Variants in OR5P3 observed in about 807,000 individuals in gnomAD.
OR5P3 encodes olfactory receptor 5P3.
For synonymous variants in OR5P3, 172 were observed against 141.8 expected (o/e 1.21, Z -1.51); for missense variants, 415 against 375.6 (o/e 1.10, Z -0.87).
Position 7,826,009 on chromosome 11 carries a change from A to C in OR5P3, c.-21-16T>G. ...ATGGTGCCAACTGAAAGAAAAACAA[A>C]TGAATATTATAATGGGATTAAATGC... On this transcript the variant is annotated splice_polypyrimidine_tract_variant and intron_variant, in intron 1 of 1. Transcript: ENST00000641167. The C allele has an allele frequency of 9.1e-7, 1 of 1,102,176 alleles. No individual in the cohort carries two copies. The allele number at this position is 1,102,176 out of a possible 1,614,324, so 68.3% of individuals were successfully genotyped here. A position where few individuals can be genotyped will look rare whatever the true frequency, so the allele number is the denominator to read the frequency against.
chr11:7,827,142 G>C lies in OR5P3; in HGVS notation c.-21-1149C>G, dbSNP rs113014826. On this transcript the variant is annotated intron_variant, in intron 1 of 1. Coordinates refer to ENST00000641167, the MANE Select transcript of OR5P3 (RefSeq NM_153445.2). ...GCTAAAATGAAGAACCATATTCTTG[G>C]ACTTCTAATTCATTTACTATCTTTA... 2.5e-3 allele frequency among the ~76,000 whole-genome samples: 373 copies of C among 152,188 alleles called. 1 individual carries two copies. The highest frequency in any genetic ancestry group is 8.6e-3 in the African/African-American group (356 of 41,548).
Position 7,825,731 on chromosome 11 carries a change from A to T in OR5P3, c.242T>A (p.Met81Lys). ...IGYSSSVTPVMLMSFLRKETS... is the reference protein window; with the variant it reads ...IGYSSSVTPVKLMSFLRKETS... ...TTCTTTCCTTAGGAAGCTCATGAGC[A>T]TGACAGGTGTGACTGATGAGGAGTA... is the stretch of plus-strand genomic sequence containing the variant. The change falls in exon 2 of 2, where the codon ATG becomes AAG. Residue 81 changes from methionine (M) to lysine (K), a missense_variant. By Grantham distance (95) the Met-to-Lys change is moderately conservative. Transcript: ENST00000641167. The T allele has an allele frequency of 6.2e-7, 1 of 1,613,308 alleles. No homozygotes were observed. The highest frequency in any genetic ancestry group is 8.5e-7 in the Non-Finnish European group (1 of 1,180,032).
At chr11:7,828,100 G>A (rs1325873089) in intron 1 of OR5P3, among the ~76,000 whole-genome samples, 1 of 152,158 alleles carries the variant, frequency 6.6e-6, no homozygotes, top group African/African-American at 2.4e-5. Context: ...CAAGGGAAAT[G>A]GAAGATCCTA....
rs754867194 is a variant in OR5P3 at position 7,825,242 on chromosome 11, T to G, written c.731A>C (p.His244Pro). The G allele has an allele frequency of 4.3e-6, 7 of 1,612,576 alleles. No homozygotes were observed. In the South Asian group the frequency reaches 7.7e-5, roughly 18 times the overall value. ...ATAGAACAGAGTGACTGCAGTGAGGTGGGAGGTGCAGGTGGAGAAGGCCTT... is the reference window on the plus strand; with the variant it reads ...ATAGAACAGAGTGACTGCAGTGAGGGGGGAGGTGCAGGTGGAGAAGGCCTT... ...RHKAFSTCTS[H>P]LTAVTLFYGT... Residue 244 changes from histidine to proline, a missense_variant, in exon 2 of 2, where the codon CAC (histidine) becomes CCC (proline). Coordinates refer to ENST00000641167, the MANE Select transcript of OR5P3 (RefSeq NM_153445.2).
At position 7,825,796 on chromosome 11, in the gene OR5P3, C is replaced by T; in HGVS notation, c.177G>A (p.Met59Ile). The change falls in exon 2 of 2, where the codon ATG becomes ATA. Residue 59 changes from methionine (M) to isoleucine (I), a missense_variant. Transcript: ENST00000641167. Reference protein sequence around the residue: ...IRRSHHLHTPMYIFLCHLAFV... With the variant: ...IRRSHHLHTPIYIFLCHLAFV... ...AGGCCAAATGGCAGAGGAAAATGTACATGGGTGTATGAAGATGATGACTTC... is the reference window on the plus strand; with the variant it reads ...AGGCCAAATGGCAGAGGAAAATGTATATGGGTGTATGAAGATGATGACTTC... The T allele has an allele frequency of 6.2e-7, 1 of 1,613,210 alleles. No individual in the cohort carries two copies. The highest frequency in any genetic ancestry group is 8.5e-7 in the Non-Finnish European group (1 of 1,180,006).
intron 1 of OR5P3, among the ~76,000 whole-genome samples, chr11:7,826,237 G>T (rs1447904762): frequency 2.0e-5 from 3 of 151,646 alleles, no homozygotes. Flanking sequence ...ACTCGTATTG[G>T]ATGGTTAATT....
At chr11:7,827,390 C>T (rs1857756504) in intron 1 of OR5P3, among the ~76,000 whole-genome samples, 1 of 152,100 alleles carries the variant, frequency 6.6e-6, no homozygotes, top group Non-Finnish European at 1.5e-5. Flanking sequence ...TCCTTCAGTG[C>T]CCAGCACCTA....
intron 1 of OR5P3, among the ~76,000 whole-genome samples, chr11:7,827,278 T>C (rs1381201194): frequency 6.6e-6 from 1 of 152,206 alleles, no homozygotes; most frequent in Non-Finnish European, 1.5e-5. Context: ...TGCTAACATA[T>C]AAATAATACA....
intron 1 of OR5P3, among the ~76,000 whole-genome samples, chr11:7,826,710 T>A (rs1857745912): frequency 1.3e-5 from 2 of 152,236 alleles, no homozygotes; most frequent in South Asian, 4.1e-4. Flanking sequence ...GCTATCTGAT[T>A]CATGATAGTG....
At position 7,825,902 on chromosome 11, in the gene OR5P3, C is replaced by T. The variant is rs1420211615; in HGVS notation, c.71G>A (p.Cys24Tyr). ...LLGLSEDTTV[C>Y]AILFLVFLGI... is the part of the protein sequence containing the mutation. ...TAGAAACACAAGAAATAAAATAGCA[C>T]AAACTGTAGTATCCTCAGATAACCC... is the stretch of plus-strand genomic sequence containing the variant. Residue 24 changes from cysteine to tyrosine, a missense_variant, in exon 2 of 2, where the codon TGT becomes TAT. Coordinates refer to ENST00000641167, the MANE Select transcript of OR5P3 (RefSeq NM_153445.2). 2 of 1,606,912 alleles carry T rather than the reference C, an allele frequency of 1.2e-6. No individual in the cohort carries two copies. Among genetic ancestry groups the T allele is most frequent in the Non-Finnish European group, 1.7e-6 (2 of 1,174,944 alleles).
rs1381642093 is a variant in OR5P3 at position 7,828,882 on chromosome 11, C to CA, written c.-22+1941dup. Reference sequence around the variant, plus strand: ...TATGCTGTTATTTCATATAGGGTTTCAAAAAATTGGCTAGAAATAGAGAAC... The same window carrying CA: ...TATGCTGTTATTTCATATAGGGTTTCAAAAAAATTGGCTAGAAATAGAGAAC... On this transcript the variant is annotated intron_variant, in intron 1 of 1. Transcript: ENST00000641167. Among the ~76,000 whole-genome samples the CA allele has an allele frequency of 2.6e-5, 4 of 151,974 alleles. No individual in the cohort carries two copies. In the South Asian group the frequency reaches 8.3e-4, roughly 32 times the overall value.
rs540250522 is a variant in OR5P3 at position 7,830,719 on chromosome 11, GA to G, written c.-22+104del. 1.1e-4 allele frequency: 17 copies of G among 152,260 alleles called. No individual in the cohort carries two copies. In the South Asian group the frequency reaches 3.1e-3, roughly 28 times the overall value. 9.4% of individuals were successfully genotyped at this position (152,260 alleles called of 1,614,324 possible). ...CCAAGTATGGATCATAGAAATAAGT[GA>G]ATGTTCAACAAATGATTATTTCCTT... On this transcript the variant is annotated intron_variant, in intron 1 of 1. Transcript: ENST00000641167.
chr11:7,825,145 C>G lies in OR5P3; in HGVS notation c.828G>C (p.Val276=). 6.2e-7 allele frequency: 1 copy of G among 1,606,840 alleles called. No homozygotes were observed. The highest frequency in any genetic ancestry group is 8.5e-7 in the Non-Finnish European group (1 of 1,179,970). ...YSTDQNKVVS[V]FYTVVIPMLN... The stretch of plus-strand genomic sequence containing the variant: ...ACATGGGAATCACCACGGTGTAGAA[C>G]ACAGACACCACCTTGTTCTGGTCAG... Residue 276 remains valine (V), a synonymous_variant, in exon 2 of 2, where the codon GTG becomes GTC. Transcript: ENST00000641167.
intron 1 of OR5P3, among the ~76,000 whole-genome samples, chr11:7,830,213 C>A (rs1857794005): frequency 6.6e-6 from 1 of 152,190 alleles, no homozygotes; most frequent in Non-Finnish European, 1.5e-5. Context: ...TACACACACA[C>A]ACACTGGCAT....
chr11:7,830,060 T>G (rs1360331225), intron 1 of OR5P3, among the ~76,000 whole-genome samples: 1 of 152,200 alleles, frequency 6.6e-6, no homozygotes, highest in Non-Finnish European at 1.5e-5. Flanking sequence ...ACCACAAAAA[T>G]TCCCATAATT....
intron 1 of OR5P3, among the ~76,000 whole-genome samples, chr11:7,830,385 G>T (rs542488524): frequency 6.6e-6 from 1 of 152,244 alleles, no homozygotes; most frequent in African/African-American, 2.4e-5. Context: ...CCTTATCTTT[G>T]TACAGGGCTT....
intron 1 of OR5P3, among the ~76,000 whole-genome samples, chr11:7,829,310 G>A (rs1203414043): frequency 6.6e-6 from 1 of 152,106 alleles, no homozygotes; most frequent in Non-Finnish European, 1.5e-5. Flanking sequence ...AGAAGATACA[G>A]AGTTTTAAAG....
chr11:7,824,952 A>T lies in OR5P3; in HGVS notation c.*85T>A. 1 of 1,128,042 alleles carries T rather than the reference A, an allele frequency of 8.9e-7. No homozygotes were observed. The highest frequency in any genetic ancestry group is 1.6e-5 in the African/African-American group (1 of 62,582). 69.9% of individuals were successfully genotyped at this position (1,128,042 alleles called of 1,614,324 possible). On this transcript the variant is annotated 3_prime_UTR_variant, in exon 2 of 2. Transcript: ENST00000641167. ...ACTGGGTAATGGTCTATGGACAGATAAATTTTGACCACAAACACTCGGTGT... is the reference window on the plus strand; with the variant it reads ...ACTGGGTAATGGTCTATGGACAGATTAATTTTGACCACAAACACTCGGTGT...
At chr11:7,828,217 A>G (rs1404995410) in intron 1 of OR5P3, among the ~76,000 whole-genome samples, 1 of 152,168 alleles carries the variant, frequency 6.6e-6, no homozygotes, top group Non-Finnish European at 1.5e-5. Flanking sequence ...GTCTGTTGAA[A>G]AGGACAGTAA....
Sources: gnomAD v4.1 joint callset for allele counts (sites outside exome capture counted in the v4.1 genomes callset) on GRCh38, gnomAD v4.1.1 for gene constraint, MANE v1.5 for transcripts, NCBI Gene and HGNC (gene_info 2026-07-23, HGNC 2026-07-21) for gene names.